The following SENP7 variants were observed in gnomAD, a reference collection of about 807,000 sequenced individuals.
The protein encoded by SENP7 is SUMO specific peptidase 7.
A neutral mutation model predicts 141.2 loss-of-function variants in SENP7; 64 were observed. That is an observed-to-expected ratio of 0.45 (90% CI 0.37 to 0.56). SENP7 has a LOEUF of 0.56. Among genes scored for constraint, SENP7 ranks in the 20% least tolerant of loss-of-function variants. The pLI is 0.00. For synonymous variants in SENP7, 382 were observed against 426.4 expected (o/e 0.90, Z 1.28); for missense variants, 1,025 against 1,212.2 (o/e 0.85, Z 2.29).
At chr3:101,357,347 T>C in intron 11 of SENP7, 1 of 683,092 alleles carries the variant, frequency 1.5e-6, no homozygotes, top group Non-Finnish European at 2.7e-6. Context: ...GGATGTGATG[T>C]TAGAGAACTA....
chr3:101,485,917 AAAC>A (rs753636483), intron 3 of SENP7, among the ~76,000 whole-genome samples: 26 of 152,232 alleles, frequency 1.7e-4, no homozygotes, highest in Non-Finnish European at 3.4e-4. Context: ...TAAAGAAAAA[AAAC>A]AATAAAAAGT....
At chr3:101,490,791 AAAC>A (rs2064934873) in intron 3 of SENP7, among the ~76,000 whole-genome samples, 2 of 152,282 alleles carry the variant, frequency 1.3e-5, no homozygotes, top group South Asian at 4.1e-4. Flanking sequence ...AAACCACTAA[AAAC>A]AACAACAAAA....
chr3:101,507,014 T>C (rs144299273), intron 1 of SENP7, among the ~76,000 whole-genome samples: 5 of 146,900 alleles, frequency 3.4e-5, no homozygotes, highest in Non-Finnish European at 7.4e-5. Flanking sequence ...TGAGCTATGA[T>C]CGTGCCACTG....
intron 5 of SENP7, among the ~76,000 whole-genome samples, chr3:101,416,353 A>G (rs774380691): frequency 1.2e-4 from 18 of 152,046 alleles, no homozygotes; most frequent in Admixed American, 4.6e-4. Context: ...CACTGTTCTG[A>G]TTGGAAAAAG....
intron 3 of SENP7, among the ~76,000 whole-genome samples, chr3:101,486,953 G>T (rs973694710): frequency 1.3e-5 from 2 of 152,126 alleles, no homozygotes; most frequent in Admixed American, 1.3e-4. Flanking sequence ...CACCAAAAGC[G>T]AGCAGGAGTA....
intron 4 of SENP7, among the ~76,000 whole-genome samples, chr3:101,425,745 C>T (rs1477162981): frequency 6.6e-6 from 1 of 152,042 alleles, no homozygotes; most frequent in African/African-American, 2.4e-5. Flanking sequence ...GAAAACCAAT[C>T]CAAGGAAGCT....
In SENP7 at chr3:101,343,631, T is replaced by C. The variant is rs2059383947; in HGVS notation, c.2106+55A>G. 2.6e-6 allele frequency: 4 copies of C among 1,525,042 alleles called. No individual in the cohort carries two copies. In the Admixed American group the frequency reaches 6.1e-5, roughly 23 times the overall value. The allele number at this position is 1,525,042 out of a possible 1,614,324, so 94.5% of individuals were successfully genotyped here. On this transcript the variant is annotated intron_variant, in intron 14 of 23. Coordinates refer to ENST00000394095, the MANE Select transcript of SENP7 (RefSeq NM_020654.5). ...TTGAAAGCAGCCTAATATCAATGAA[T>C]AAATGTTTTCTGAACCTCCCCCTTC...
intron 4 of SENP7, among the ~76,000 whole-genome samples, chr3:101,435,828 T>C (rs2062367801): frequency 6.6e-6 from 1 of 152,130 alleles, no homozygotes; most frequent in Admixed American, 6.6e-5. Context: ...GAATCAATAT[T>C]GTTAAAATCT....
chr3:101,503,173 A>G (rs942547956), intron 1 of SENP7, among the ~76,000 whole-genome samples: 1 of 152,206 alleles, frequency 6.6e-6, no homozygotes, highest in Non-Finnish European at 1.5e-5. Context: ...CAATTTCATA[A>G]TCACTAGGGA....
intron 4 of SENP7, among the ~76,000 whole-genome samples, chr3:101,454,779 T>C (rs370392167): frequency 2.6e-5 from 4 of 152,180 alleles, no homozygotes; most frequent in East Asian, 3.8e-4. Context: ...CTATATGAAA[T>C]GTCCAAAAAA....
chr3:101,331,670 A>G (rs1162444291), intron 19 of SENP7, among the ~76,000 whole-genome samples: 2 of 152,080 alleles, frequency 1.3e-5, no homozygotes, highest in Non-Finnish European at 2.9e-5. Context: ...ATTATATCAG[A>G]AAAGTTTTAA....
In SENP7 at chr3:101,503,767, G is replaced by A. The variant is rs188742557; in HGVS notation, c.41-2648C>T. Among the ~76,000 whole-genome samples, 15 of 152,086 alleles carry A rather than the reference G, an allele frequency of 9.9e-5. No individual in the cohort carries two copies. The East Asian group carries it at 2.1e-3, about 22-fold the overall frequency. On this transcript the variant is annotated intron_variant, in intron 1 of 23. Coordinates refer to ENST00000394095, the MANE Select transcript of SENP7 (RefSeq NM_020654.5). Reference sequence around the variant, plus strand: ...TTGAGAACAGCCTGGGCAAAAGGGTGAAACCCCGTCTGCATAAAAAAGTAC... The same window carrying A: ...TTGAGAACAGCCTGGGCAAAAGGGTAAAACCCCGTCTGCATAAAAAAGTAC...
chr3:101,464,103 G>A (rs1229904550), intron 3 of SENP7, among the ~76,000 whole-genome samples: 1 of 152,134 alleles, frequency 6.6e-6, no homozygotes. Context: ...GGAATTACAG[G>A]TGTGAGCCAC....
At chr3:101,410,525 T>C (rs1446981393) in intron 5 of SENP7, among the ~76,000 whole-genome samples, 1 of 152,164 alleles carries the variant, frequency 6.6e-6, no homozygotes, top group Non-Finnish European at 1.5e-5. Context: ...CTAACCCAAA[T>C]GCCCATCCAT....
intron 3 of SENP7, among the ~76,000 whole-genome samples, chr3:101,467,034 C>T (rs560576096): frequency 6.6e-6 from 1 of 152,334 alleles, no homozygotes; most frequent in African/African-American, 2.4e-5. Context: ...GATTCTCTCC[C>T]CGTGCCTGGC....
intron 3 of SENP7, among the ~76,000 whole-genome samples, chr3:101,479,554 G>C (rs562789917): frequency 6.6e-6 from 1 of 151,664 alleles, no homozygotes; most frequent in Non-Finnish European, 1.5e-5. Context: ...CAGTGAACTT[G>C]CAGATGATCA....
intron 11 of SENP7, chr3:101,359,056 G>A (rs1018032684): frequency 2.6e-5 from 4 of 151,784 alleles, no homozygotes; most frequent in Admixed American, 2.0e-4. Context: ...AAAAAAAAAA[G>A]TTATACTAGT....
At chr3:101,388,415 T>C (rs1410788079) in intron 6 of SENP7, among the ~76,000 whole-genome samples, 1 of 152,182 alleles carries the variant, frequency 6.6e-6, no homozygotes, top group Non-Finnish European at 1.5e-5. Context: ...ATACACAGAC[T>C]GCACCATAAT....
At chr3:101,510,816 C>G (rs1333902423) in intron 1 of SENP7, among the ~76,000 whole-genome samples, 1 of 128,036 alleles carries the variant, frequency 7.8e-6, no homozygotes, top group African/African-American at 2.9e-5. Flanking sequence ...TGCGCTCCAG[C>G]CTGGGCAACA....
Sources: gnomAD v4.1 joint callset for allele counts (sites outside exome capture counted in the v4.1 genomes callset) on GRCh38, gnomAD v4.1.1 for gene constraint, MANE v1.5 for transcripts, NCBI Gene and HGNC (gene_info 2026-07-23, HGNC 2026-07-21) for gene names.